Variants in PDE4D observed in about 807,000 individuals in gnomAD.
PDE4D encodes 3',5'-cyclic-AMP phosphodiesterase 4D.
In PDE4D, 24 loss-of-function variants were observed where a neutral mutation model predicts 87.4. The observed-to-expected ratio is 0.27, with a 90% confidence interval of 0.20 to 0.39. PDE4D has a LOEUF of 0.39. Ranked by LOEUF, PDE4D falls within the 10% of genes least tolerant of loss-of-function variation. The probability of loss-of-function intolerance (pLI) is 1.00; values close to 1 mark genes in which losing one functional copy is unlikely to be tolerated. For synonymous variants in PDE4D, 384 were observed against 383.2 expected (o/e 1.00, Z -0.02); for missense variants, 714 against 1,041.0 (o/e 0.69, Z 4.32).
At chr5:59,662,862 TAG>T (rs1212516541) in intron 1 of PDE4D, among the ~76,000 whole-genome samples, 2 of 152,178 alleles carry the variant, frequency 1.3e-5, no homozygotes, top group South Asian at 2.1e-4. Context: ...CCTTTCAAAA[TAG>T]AGTTTTGTAA....
At chr5:60,265,042 A>G (rs1003004393) in intron 1 of PDE4D, among the ~76,000 whole-genome samples, 2 of 152,192 alleles carry the variant, frequency 1.3e-5, no homozygotes, top group Non-Finnish European at 2.9e-5. Context: ...GTGGAAATAT[A>G]GTTATACATG....
At chr5:59,378,785 A>T (rs1243788203) in intron 1 of PDE4D, among the ~76,000 whole-genome samples, 2 of 152,160 alleles carry the variant, frequency 1.3e-5, no homozygotes, top group Admixed American at 1.3e-4. Context: ...AGATTTCTTC[A>T]AAATTTTTAT....
intron 1 of PDE4D, among the ~76,000 whole-genome samples, chr5:59,391,469 T>C (rs1414576262): frequency 6.6e-6 from 1 of 152,126 alleles, no homozygotes. Flanking sequence ...CAAAGGATGA[T>C]GGTAGTGAGA....
intron 1 of PDE4D, among the ~76,000 whole-genome samples, chr5:60,509,380 C>T (rs145066108): frequency 6.6e-6 from 1 of 152,216 alleles, no homozygotes; most frequent in Non-Finnish European, 1.5e-5. Context: ...TTAAATTTTT[C>T]ACTGCTTCAC....
At chr5:59,534,670 T>C (rs1301702642) in intron 1 of PDE4D, among the ~76,000 whole-genome samples, 2 of 152,194 alleles carry the variant, frequency 1.3e-5, no homozygotes, top group Non-Finnish European at 2.9e-5. Context: ...CAGGACTTCC[T>C]GAGTAGAGGA....
chr5:59,364,679 T>C (rs1342746143), intron 1 of PDE4D, among the ~76,000 whole-genome samples: 1 of 152,208 alleles, frequency 6.6e-6, no homozygotes, highest in Non-Finnish European at 1.5e-5. Context: ...TTCTAAATAT[T>C]CTATAAGTGA....
chr5:59,845,570 C>A (rs1220717722), intron 1 of PDE4D, among the ~76,000 whole-genome samples: 2 of 152,020 alleles, frequency 1.3e-5, no homozygotes, highest in Non-Finnish European at 2.9e-5. Flanking sequence ...GAATACAATG[C>A]AAACTTAAAT....
intron 5 of PDE4D, among the ~76,000 whole-genome samples, chr5:59,075,364 T>C (rs1194617848): frequency 6.6e-6 from 1 of 152,186 alleles, no homozygotes; most frequent in African/African-American, 2.4e-5. Context: ...TCTTGTCTTG[T>C]TTTAGTTTGC....
At chr5:60,430,237 G>T in intron 1 of PDE4D, 2 of 517,650 alleles carry the variant, frequency 3.9e-6, no homozygotes, top group South Asian at 2.8e-5. Context: ...GATGGCGAAT[G>T]ACCCTTCTTC....
At chr5:59,482,793 T>C (rs1384905085) in intron 1 of PDE4D, among the ~76,000 whole-genome samples, 1 of 152,208 alleles carries the variant, frequency 6.6e-6, no homozygotes, top group Non-Finnish European at 1.5e-5. Context: ...ACCATCATTT[T>C]TCTATTTCCT....
At chr5:60,128,490 C>T (rs1318887095) in intron 2 of PDE4D, among the ~76,000 whole-genome samples, 2 of 152,086 alleles carry the variant, frequency 1.3e-5, no homozygotes, top group Non-Finnish European at 2.9e-5. Flanking sequence ...CTCTGGGTTC[C>T]CTATTCACAT....
At chr5:59,749,530 C>T (rs752715211) in intron 1 of PDE4D, among the ~76,000 whole-genome samples, 7 of 152,112 alleles carry the variant, frequency 4.6e-5, no homozygotes, top group Non-Finnish European at 7.4e-5. Context: ...GGATTACAGC[C>T]GTGAGCCACC....
At chr5:60,252,990 G>T (rs969573606) in intron 1 of PDE4D, among the ~76,000 whole-genome samples, 1 of 151,878 alleles carries the variant, frequency 6.6e-6, no homozygotes, top group Admixed American at 6.6e-5. Context: ...GGTGGAGGAA[G>T]TCAATGCTTT....
intron 1 of PDE4D, among the ~76,000 whole-genome samples, chr5:59,622,460 A>T (rs1287957604): frequency 6.6e-6 from 1 of 152,150 alleles, no homozygotes; most frequent in Admixed American, 6.6e-5. Flanking sequence ...GTAGTTCATC[A>T]TCTCCATCCA....
intron 1 of PDE4D, among the ~76,000 whole-genome samples, chr5:59,247,672 A>G (rs1423272492): frequency 6.6e-6 from 1 of 152,128 alleles, no homozygotes; most frequent in Non-Finnish European, 1.5e-5. Flanking sequence ...AGCCTGAGCC[A>G]TAGTTTCTGC....
At chr5:59,272,998 T>A (rs755051967) in intron 1 of PDE4D, among the ~76,000 whole-genome samples, 12 of 152,152 alleles carry the variant, frequency 7.9e-5, no homozygotes, top group Non-Finnish European at 1.6e-4. Context: ...TAGACAGATT[T>A]GGAGAAAGTA....
chr5:59,089,898 A>G, intron 5 of PDE4D, among the ~76,000 whole-genome samples: 1 of 152,126 alleles, frequency 6.6e-6, no homozygotes, highest in East Asian at 1.9e-4. Flanking sequence ...AAGTCCAAAT[A>G]AAAGCAGAGA....
intron 1 of PDE4D, among the ~76,000 whole-genome samples, chr5:59,244,715 T>C (rs1758480785): frequency 6.9e-6 from 1 of 145,094 alleles, no homozygotes; most frequent in African/African-American, 2.5e-5. Context: ...TGTGTGTGTG[T>C]GTGTGTGTAT....
At chr5:59,900,679 CAT>C (rs1752165996) in intron 3 of PDE4D, among the ~76,000 whole-genome samples, 1 of 152,150 alleles carries the variant, frequency 6.6e-6, no homozygotes, top group Non-Finnish European at 1.5e-5. Flanking sequence ...GCTAAATGTC[CAT>C]CTGTCACAAG....
Sources: allele counts gnomAD v4.1 joint callset (sites outside exome capture counted in the v4.1 genomes callset), GRCh38; gene constraint gnomAD v4.1.1; transcripts MANE v1.5; gene names NCBI Gene and HGNC (gene_info 2026-07-23, HGNC 2026-07-21).